Variants in NELL2 observed in about 807,000 individuals in gnomAD.
The protein encoded by NELL2 is neural EGFL like 2.
In NELL2, 41 loss-of-function variants were observed where a neutral mutation model predicts 109.6. The observed-to-expected ratio is 0.37, with a 90% confidence interval of 0.29 to 0.49. The LOEUF is 0.49. NELL2 is among the 20% of genes least tolerant of loss of function. The probability of loss-of-function intolerance (pLI) is 0.98; values close to 1 mark genes in which losing one functional copy is unlikely to be tolerated. For missense variants in NELL2, 900 were observed against 1,008.3 expected, an observed-to-expected ratio of 0.89 and a Z score of 1.45; for synonymous variants, 355 against 344.7, an observed-to-expected ratio of 1.03 and a Z score of -0.33.
At chr12:44,748,393 C>G (rs572681753) in intron 9 of NELL2, among the ~76,000 whole-genome samples, 4 of 152,046 alleles carry the variant, frequency 2.6e-5, no homozygotes, top group African/African-American at 9.6e-5. Flanking sequence ...GACAAGGAAT[C>G]GCTACTTCTT....
intron 1 of NELL2, among the ~76,000 whole-genome samples, chr12:44,887,529 CA>C (rs1441355391): frequency 1.3e-5 from 2 of 151,848 alleles, no homozygotes; most frequent in Non-Finnish European, 2.9e-5. Flanking sequence ...TGATGTTGAG[CA>C]TTTTTTTCAT....
rs189000591 is a variant in NELL2 at position 44,710,444 on chromosome 12, C to T, written c.1189+848G>A. On this transcript the variant is annotated intron_variant, in intron 11 of 19. Transcript: ENST00000429094. The stretch of plus-strand genomic sequence containing the variant: ...ATAGAGATGAACATAAAGACTCAGC[C>T]CTGCCCACAAGGTGCACTGTCTAAT... Among the ~76,000 whole-genome samples, 9 of 152,152 alleles carry T rather than the reference C, an allele frequency of 5.9e-5. No individual in the cohort carries two copies. In the East Asian group the frequency reaches 1.7e-3, roughly 29 times the overall value.
chr12:44,889,680 T>A (rs893286101), intron 1 of NELL2, among the ~76,000 whole-genome samples: 1 of 150,810 alleles, frequency 6.6e-6, no homozygotes, highest in Non-Finnish European at 1.5e-5. Flanking sequence ...GATTTTTTTC[T>A]CTTCAGCCTG....
rs370012272 is a variant in NELL2 at position 44,777,180 on chromosome 12, G to T, written c.680-56C>A. On this transcript the variant is annotated intron_variant, in intron 6 of 19. Coordinates refer to ENST00000429094, the MANE Select transcript of NELL2 (RefSeq NM_001145108.2). ...ATGCATTTATAAGGGGTTCAATCTG[G>T]TTAAGTCTATGCTGACAAGTAATAT... 11 of 1,608,216 alleles carry T rather than the reference G, an allele frequency of 6.8e-6. No homozygotes were observed. The African/African-American group carries it at 1.1e-4, about 16-fold the overall frequency.
At chr12:44,644,600 A>ATG (rs1426344254) in intron 13 of NELL2, among the ~76,000 whole-genome samples, 18,445 of 88,524 alleles carry the variant, frequency 0.21, 1,693 homozygotes, top group East Asian at 0.31. Context: ...ATATATATAT[A>ATG]TATGTATGTA....
chr12:44,675,590 G>C lies in NELL2; in HGVS notation c.1319-9981C>G, dbSNP rs528072689. Among the ~76,000 whole-genome samples, 4 of 152,162 alleles carry C rather than the reference G, an allele frequency of 2.6e-5. No homozygotes were observed. In the East Asian group the frequency reaches 5.8e-4, roughly 22 times the overall value. ...AATTATTCGGAATCATAGATTTTTA[G>C]ATCTGAGAGGAACTTTAGAAATCAT... On this transcript the variant is annotated intron_variant, in intron 12 of 19. Coordinates refer to ENST00000429094, the MANE Select transcript of NELL2 (RefSeq NM_001145108.2).
At chr12:44,588,433 G>C (rs1944623673) in intron 15 of NELL2, among the ~76,000 whole-genome samples, 2 of 152,112 alleles carry the variant, frequency 1.3e-5, no homozygotes, top group Non-Finnish European at 2.9e-5. Flanking sequence ...ATGCACTCTA[G>C]AGGCCCCTCA....
In NELL2 at chr12:44,791,958, C is replaced by CAA. The variant is rs35671413; in HGVS notation, c.336-11938_336-11937dup. ...GGATTCCCTAGGGAATTATTACAGA[C>CAA]AAAAAAAAAAAGGCACTTTGACATT... On this transcript the variant is annotated intron_variant, in intron 3 of 19. Transcript: ENST00000429094. 2.7e-5 allele frequency among the ~76,000 whole-genome samples: 4 copies of CAA among 145,476 alleles called. 1 individual carries two copies. The highest frequency in any genetic ancestry group is 1.0e-4 in the African/African-American group (4 of 39,558).
chr12:44,667,169 G>C (rs990226073), intron 12 of NELL2, among the ~76,000 whole-genome samples: 1 of 151,868 alleles, frequency 6.6e-6, no homozygotes, highest in African/African-American at 2.4e-5. Context: ...TTCCTCAATG[G>C]TATAAATTAT....
At chr12:44,515,641 A>C (rs558068313) in intron 19 of NELL2, among the ~76,000 whole-genome samples, 58 of 152,074 alleles carry the variant, frequency 3.8e-4, no homozygotes, top group Admixed American at 3.3e-3. Context: ...GATAAAAATG[A>C]AAATAAAAGT....
At chr12:44,810,011 C>T (rs1457424209) in intron 3 of NELL2, among the ~76,000 whole-genome samples, 1 of 152,076 alleles carries the variant, frequency 6.6e-6, no homozygotes, top group Non-Finnish European at 1.5e-5. Context: ...GTGAATTCCT[C>T]ATGCTAGAGT....
chr12:44,548,308 A>C (rs1314678368), intron 15 of NELL2, among the ~76,000 whole-genome samples: 5 of 152,120 alleles, frequency 3.3e-5, no homozygotes, highest in Admixed American at 2.6e-4. Flanking sequence ...TAGTCTTTAA[A>C]ATTTTGGCCC....
chr12:44,729,636 T>A (rs1939264273), intron 9 of NELL2, among the ~76,000 whole-genome samples: 1 of 149,364 alleles, frequency 6.7e-6, no homozygotes, highest in Non-Finnish European at 1.5e-5. Context: ...ATGACATAAA[T>A]GGGCTGAATG....
chr12:44,512,211 A>C (rs540713719), intron 19 of NELL2, among the ~76,000 whole-genome samples: 2 of 152,316 alleles, frequency 1.3e-5, no homozygotes, highest in African/African-American at 2.4e-5. Context: ...ACAAATGACC[A>C]ACACATATAT....
chr12:44,675,201 G>T (rs766245457), intron 12 of NELL2, among the ~76,000 whole-genome samples: 5 of 152,192 alleles, frequency 3.3e-5, no homozygotes, highest in Middle Eastern at 3.4e-3. Context: ...GGAAAAGTGG[G>T]GTGAGAATAA....
At chr12:44,584,747 C>T (rs893764033) in intron 15 of NELL2, among the ~76,000 whole-genome samples, 1 of 152,164 alleles carries the variant, frequency 6.6e-6, no homozygotes, top group Non-Finnish European at 1.5e-5. Flanking sequence ...TGGACAACTG[C>T]TGTTACTTCA....
intron 2 of NELL2, among the ~76,000 whole-genome samples, chr12:44,820,541 G>A (rs1412291807): frequency 6.6e-6 from 1 of 151,540 alleles, no homozygotes; most frequent in East Asian, 1.9e-4. Context: ...CCCAGGAGGC[G>A]GAGCTTGCAG....
chr12:44,791,224 A>ATC lies in NELL2; in HGVS notation c.336-11203_336-11202insGA, dbSNP rs1555217860. Among the ~76,000 whole-genome samples the ATC allele has an allele frequency of 2.3e-4, 22 of 95,118 alleles. 1 individual carries two copies. The highest frequency in any genetic ancestry group is 4.6e-4 in the Non-Finnish European group (21 of 45,702). The allele number at this position is 95,118 out of a possible 152,430, so 62.4% of individuals were successfully genotyped here. A position where few individuals can be genotyped will look rare whatever the true frequency, so the allele number is the denominator to read the frequency against. On this transcript the variant is annotated intron_variant, in intron 3 of 19. Coordinates refer to ENST00000429094, the MANE Select transcript of NELL2 (RefSeq NM_001145108.2). ...TATATATATATATATATATATATAT[A>ATC]TATGATGGAATACTACTCAGCCATA...
intron 1 of NELL2, among the ~76,000 whole-genome samples, chr12:44,889,394 G>C (rs1350281048): frequency 2.0e-5 from 3 of 151,926 alleles, no homozygotes; most frequent in African/African-American, 4.8e-5. Context: ...CAGTTCAAAA[G>C]CTTATCCCAC....
Sources: allele counts gnomAD v4.1 joint callset (sites outside exome capture counted in the v4.1 genomes callset), GRCh38; gene constraint gnomAD v4.1.1; transcripts MANE v1.5; gene names NCBI Gene and HGNC (gene_info 2026-07-23, HGNC 2026-07-21).